The following TBC1D5 variants were observed in gnomAD, a reference collection of about 807,000 sequenced individuals.
The protein encoded by TBC1D5 is TBC1 domain family, member 5.
Under a neutral mutation model 100.3 loss-of-function variants are expected in TBC1D5, and 75 were observed. That is an observed-to-expected ratio of 0.75 (90% CI 0.62 to 0.91). The LOEUF (loss-of-function observed/expected upper bound fraction) is 0.91. Ranked by LOEUF, TBC1D5 falls within the 40% of genes least tolerant of loss-of-function variation. TBC1D5 has a pLI of 0.00. For missense variants in TBC1D5, 910 were observed against 942.4 expected, an observed-to-expected ratio of 0.97 and a Z score of 0.45; for synonymous variants, 323 against 325.6, an observed-to-expected ratio of 0.99 and a Z score of 0.09.
chr3:17,680,326 G>C (rs1177536243), intron 1 of TBC1D5, among the ~76,000 whole-genome samples: 1 of 150,190 alleles, frequency 6.7e-6, no homozygotes, highest in Non-Finnish European at 1.5e-5. Flanking sequence ...CAATCTCCTA[G>C]ATTCAAGCAA....
chr3:17,670,647 T>A (rs1293160011), intron 1 of TBC1D5, among the ~76,000 whole-genome samples: 1 of 152,234 alleles, frequency 6.6e-6, no homozygotes, highest in Non-Finnish European at 1.5e-5. Flanking sequence ...ACTAATCATC[T>A]CAGTTGATGT....
chr3:17,352,938 A>G (rs2090805713), intron 13 of TBC1D5, among the ~76,000 whole-genome samples: 1 of 152,146 alleles, frequency 6.6e-6, no homozygotes, highest in African/African-American at 2.4e-5. Flanking sequence ...CAAACACACT[A>G]AACAAACTTA....
At chr3:17,481,803 C>T (rs143179245) in intron 3 of TBC1D5, among the ~76,000 whole-genome samples, 2,514 of 152,230 alleles carry the variant, frequency 0.017, 52 homozygotes, top group South Asian at 0.047. Context: ...TGGAATGGCA[C>T]GATCTTGGCT....
intron 17 of TBC1D5, among the ~76,000 whole-genome samples, chr3:17,218,194 T>C (rs938941519): frequency 6.6e-6 from 1 of 152,074 alleles, no homozygotes; most frequent in African/African-American, 2.4e-5. Flanking sequence ...TATATGATGA[T>C]CTTTATGTCA....
chr3:17,368,389 T>C (rs2092287505), intron 13 of TBC1D5, among the ~76,000 whole-genome samples: 1 of 152,068 alleles, frequency 6.6e-6, no homozygotes, highest in Non-Finnish European at 1.5e-5. Flanking sequence ...TATATTCTCT[T>C]GGAAAAACTG....
At chr3:17,489,563 A>G (rs1247115521) in intron 3 of TBC1D5, among the ~76,000 whole-genome samples, 1 of 152,116 alleles carries the variant, frequency 6.6e-6, no homozygotes, top group African/African-American at 2.4e-5. Flanking sequence ...ACTCCCACTG[A>G]TAAGAACATC....
intron 19 of TBC1D5, among the ~76,000 whole-genome samples, chr3:17,176,802 GAAA>G (rs548978025): frequency 7.8e-6 from 1 of 128,384 alleles, no homozygotes; most frequent in Non-Finnish European, 1.7e-5. Flanking sequence ...AAGTATGATT[GAAA>G]AAAAAAAAAA....
At chr3:17,345,138 C>A (rs2089671141) in intron 13 of TBC1D5, among the ~76,000 whole-genome samples, 2 of 151,918 alleles carry the variant, frequency 1.3e-5, no homozygotes, top group African/African-American at 4.8e-5. Context: ...AGGCAACCTA[C>A]AAAATGGGAG....
chr3:17,178,264 A>G (rs1404383754), intron 19 of TBC1D5, among the ~76,000 whole-genome samples: 1 of 151,772 alleles, frequency 6.6e-6, no homozygotes, highest in Non-Finnish European at 1.5e-5. Flanking sequence ...ACGGGGTTTC[A>G]CCATGTTAGC....
intron 1 of TBC1D5, among the ~76,000 whole-genome samples, chr3:17,733,452 C>A (rs4908967): frequency 0.5 from 76,017 of 151,942 alleles, 20,549 homozygotes; most frequent in East Asian, 0.94. Flanking sequence ...CAGAAAAAAT[C>A]TTCAAGTTCT....
intron 4 of TBC1D5, among the ~76,000 whole-genome samples, chr3:17,422,293 C>T (rs895096615): frequency 6.6e-6 from 1 of 151,828 alleles, no homozygotes; most frequent in Non-Finnish European, 1.5e-5. Context: ...CTCAGACTTC[C>T]GAGTAGCTGG....
intron 2 of TBC1D5, among the ~76,000 whole-genome samples, chr3:17,552,192 GAAA>G (rs879651819): frequency 1.4e-5 from 2 of 138,724 alleles, no homozygotes; most frequent in African/African-American, 5.3e-5. Flanking sequence ...TCTTAAGAGA[GAAA>G]AAAAAAAAGG....
chr3:17,529,329 T>C (rs73155215), intron 2 of TBC1D5, among the ~76,000 whole-genome samples: 10,506 of 152,192 alleles, frequency 0.069, 714 homozygotes, highest in African/African-American at 0.18. Flanking sequence ...CAGCTTGCAA[T>C]ATCTCTGTCC....
intron 1 of TBC1D5, among the ~76,000 whole-genome samples, chr3:17,624,320 TA>T (rs1463092657): frequency 3.3e-5 from 5 of 152,226 alleles, no homozygotes; most frequent in African/African-American, 9.6e-5. Flanking sequence ...ATGATGCCTT[TA>T]TTTTTTTATA....
intron 2 of TBC1D5, among the ~76,000 whole-genome samples, chr3:17,543,700 T>A (rs2096382997): frequency 6.6e-6 from 1 of 152,054 alleles, no homozygotes. Flanking sequence ...ATTTCTATAA[T>A]TATTTAAAGC....
chr3:17,491,382 T>C (rs1454032848), intron 3 of TBC1D5, among the ~76,000 whole-genome samples: 3 of 152,216 alleles, frequency 2.0e-5, no homozygotes, highest in Non-Finnish European at 2.9e-5. Flanking sequence ...TGTTCTTATC[T>C]TGTGCCGGTT....
intron 15 of TBC1D5, among the ~76,000 whole-genome samples, chr3:17,262,104 G>T (rs575446562): frequency 6.6e-6 from 1 of 152,212 alleles, no homozygotes; most frequent in East Asian, 1.9e-4. Flanking sequence ...ATGGGGATAC[G>T]TCCTGAGAAA....
At chr3:17,405,841 C>A (rs1018453220) in intron 5 of TBC1D5, among the ~76,000 whole-genome samples, 1 of 151,946 alleles carries the variant, frequency 6.6e-6, no homozygotes, top group Non-Finnish European at 1.5e-5. Flanking sequence ...TAAATAAATT[C>A]ATGTTTAGAA....
At chr3:17,342,586 A>G (rs894207838) in intron 13 of TBC1D5, among the ~76,000 whole-genome samples, 28 of 152,222 alleles carry the variant, frequency 1.8e-4, no homozygotes, top group Non-Finnish European at 4.0e-4. Context: ...GTCAAGGCTG[A>G]CTATTAAAAT....
Sources: gnomAD v4.1 joint callset for allele counts (sites outside exome capture counted in the v4.1 genomes callset) on GRCh38, gnomAD v4.1.1 for gene constraint, MANE v1.5 for transcripts, NCBI Gene and HGNC (gene_info 2026-07-23, HGNC 2026-07-21) for gene names.